Variants in DRAM2 observed in about 807,000 individuals in gnomAD.
DRAM2 encodes DNA damage regulated autophagy modulator 2, also known as DNA damage-regulated autophagy modulator protein 2.
Under a neutral mutation model 33.5 loss-of-function variants are expected in DRAM2, and 26 were observed. The observed-to-expected ratio is 0.78, with a 90% CI of 0.57 to 1.08. DRAM2 has a LOEUF of 1.08. Ranked by LOEUF, DRAM2 falls within the 50% of genes least tolerant of loss-of-function variation. The pLI is 0.00. For synonymous variants in DRAM2, 98 were observed against 109.5 expected (o/e 0.89, Z 0.66); for missense variants, 311 against 318.1 (o/e 0.98, Z 0.17).
intron 2 of DRAM2, among the ~76,000 whole-genome samples, 176 bp downstream of exon 2, chr1:111,139,325 G>A (rs1653986327): frequency 6.6e-6 from 1 of 152,226 alleles, no homozygotes; most frequent in Non-Finnish European, 1.5e-5. Flanking sequence ...AAGCACGGTT[G>A]TGAAGATACC....
chr1:111,139,902 GC>G (rs1654208991), intron 1 of DRAM2, 135 bp downstream of exon 1: 1 of 152,274 alleles, frequency 6.6e-6, no homozygotes, highest in African/African-American at 2.4e-5. Context: ...AGTCTCGCGC[GC>G]CTGCGACGCG....
intron 4 of DRAM2, among the ~76,000 whole-genome samples, chr1:111,127,076 T>C (rs1651155711): frequency 2.6e-5 from 4 of 152,302 alleles, no homozygotes; most frequent in Admixed American, 2.6e-4. Context: ...GTTCCCTTAA[T>C]TTGCAAAATG....
intron 3 of DRAM2, 90 bp from the exon 4 acceptor site, chr1:111,131,658 C>G: frequency 7.9e-7 from 1 of 1,263,026 alleles, no homozygotes; most frequent in Non-Finnish European, 1.1e-6. Flanking sequence ...TTGTACTTAC[C>G]ACCCCAAGCT....
intron 4 of DRAM2, among the ~76,000 whole-genome samples, chr1:111,127,629 A>C (rs1348730504): frequency 6.6e-6 from 1 of 152,192 alleles, no homozygotes; most frequent in African/African-American, 2.4e-5. Flanking sequence ...CTACTTTTCA[A>C]ATTTTCCACA....
At chr1:111,138,045 G>C (rs755617560) in intron 2 of DRAM2, among the ~76,000 whole-genome samples, 6 of 152,170 alleles carry the variant, frequency 3.9e-5, no homozygotes, top group Non-Finnish European at 5.9e-5. Flanking sequence ...CTTAGCTTCT[G>C]AGTTACAGTA....
chr1:111,120,681 A>T lies in DRAM2; in HGVS notation c.352T>A (p.Phe118Ile), dbSNP rs763280980. The T allele has an allele frequency of 6.5e-7, 1 of 1,545,464 alleles. No individual in the cohort carries two copies. The highest frequency in any genetic ancestry group is 2.0e-5 in the Admixed American group (1 of 51,018). ...IVANFQKTTLFAAHVSGAVLT... is the reference protein window; with the variant it reads ...IVANFQKTTLIAAHVSGAVLT... ...ACAGCTCCACTTACATGTGCAGCAA[A>T]AAGGGTTGTTTTCTGAGAGATAGAG... Residue 118 changes from phenylalanine (F) to isoleucine (I), a missense_variant, in exon 7 of 10, where the codon TTT becomes ATT. Coordinates refer to ENST00000484310, the MANE Select transcript of DRAM2 (RefSeq NM_001349884.2).
chr1:111,118,006 G>C lies in DRAM2; in HGVS notation c.*154C>G. ...ATCCTTTAGAATAATCTATCAAATGGCTTCTTTCATGTTTCCTGATTATCA... is the reference window on the plus strand; with the variant it reads ...ATCCTTTAGAATAATCTATCAAATGCCTTCTTTCATGTTTCCTGATTATCA... On this transcript the variant is annotated 3_prime_UTR_variant, in exon 10 of 10. Transcript: ENST00000484310. 1 of 668,122 alleles carries C rather than the reference G, an allele frequency of 1.5e-6. No individual in the cohort carries two copies. Among genetic ancestry groups the C allele is most frequent in the South Asian group, 1.8e-5 (1 of 54,588 alleles). The allele number at this position is 668,122 out of a possible 1,614,324, so 41.4% of individuals were successfully genotyped here.
chr1:111,136,046 A>G (rs975587938), intron 3 of DRAM2, among the ~76,000 whole-genome samples: 3 of 152,202 alleles, frequency 2.0e-5, no homozygotes, highest in Non-Finnish European at 4.4e-5. Flanking sequence ...TTCTATTTCT[A>G]CAAGTCATTT....
In DRAM2 at chr1:111,126,214, T is replaced by G; in HGVS notation, c.199+13A>C. The G allele has an allele frequency of 2.5e-6, 4 of 1,588,174 alleles. No homozygotes were observed. The highest frequency in any genetic ancestry group is 1.1e-5 in the South Asian group (1 of 90,340). On this transcript the variant is annotated intron_variant, in intron 5 of 9. Transcript: ENST00000484310. ...TTGGCTATTATCATGTTAAAATCAC[T>G]TTCATTACTTACATAAAACTGCCGC...
At chr1:111,123,399 G>C (rs1650397200) in intron 6 of DRAM2, among the ~76,000 whole-genome samples, 1 of 152,106 alleles carries the variant, frequency 6.6e-6, no homozygotes, top group Non-Finnish European at 1.5e-5. Flanking sequence ...ACCCAGCTCA[G>C]GTTCCTCTGA....
rs147613573 is a variant in DRAM2, at chr1:111,118,891, C to T, written c.607G>A (p.Val203Met). 1.5e-5 allele frequency: 24 copies of T among 1,605,238 alleles called. No individual in the cohort carries two copies. The East Asian group carries it at 5.2e-4, about 35-fold the overall frequency. The change falls in exon 9 of 10, where the codon GTG becomes ATG. Residue 203 changes from valine to methionine, a missense_variant. Physicochemically the swap from Val to Met is conservative, Grantham distance 21. Coordinates refer to ENST00000484310, the MANE Select transcript of DRAM2 (RefSeq NM_001349884.2). ...LHWNPEDKGY[V>M]LHMITTAAEW... The stretch of plus-strand genomic sequence containing the variant: ...GCTGCAGTAGTGATCATGTGAAGCA[C>T]ATAACCCTGAGTGATGGGAAAAAAA...
chr1:111,124,543 G>C (rs915756531), intron 6 of DRAM2, among the ~76,000 whole-genome samples, 199 bp downstream of exon 6: 1 of 152,090 alleles, frequency 6.6e-6, no homozygotes, highest in African/African-American at 2.4e-5. Context: ...ATTTGTATTT[G>C]TTCAGACTTT....
Position 111,120,533 on chromosome 1 carries a change from C to T in DRAM2, c.500G>A (p.Gly167Glu). The change falls in exon 7 of 10, where the codon GGA becomes GAA. Residue 167 changes from glycine to glutamate, a missense_variant. Transcript: ENST00000484310. The stretch of plus-strand genomic sequence containing the variant: ...AAGGATACTGCTAAGTGCACTTACT[C>T]CACACCAGATAACCAACAACAGTCT... ...WIRLLLVIWC[G>E]VSALSMLTCS... 6.2e-7 allele frequency: 1 copy of T among 1,607,604 alleles called. No homozygotes were observed. Among genetic ancestry groups the T allele is most frequent in the Non-Finnish European group, 8.5e-7 (1 of 1,176,886 alleles).
At chr1:111,131,643 C>T in intron 3 of DRAM2, 75 bp from the exon 4 acceptor site, 1 of 1,427,134 alleles carries the variant, frequency 7.0e-7, no homozygotes, top group Non-Finnish European at 9.6e-7. Flanking sequence ...TCCATGCCCA[C>T]AGCCTTGTAC....
Position 111,124,897 on chromosome 1 carries a change from C to T in DRAM2, c.200-16G>A. On this transcript the variant is annotated splice_polypyrimidine_tract_variant and intron_variant, in intron 5 of 9. Transcript: ENST00000484310. ...GTAGCAATGCCTGGGAAAAGATAAT[C>T]CAAAAAACAACAAAGTAATAAATAA... The T allele has an allele frequency of 6.2e-7, 1 of 1,605,322 alleles. No individual in the cohort carries two copies. The highest frequency in any genetic ancestry group is 8.5e-7 in the Non-Finnish European group (1 of 1,176,924).
At chr1:111,134,302 T>G (rs1652712480) in intron 3 of DRAM2, among the ~76,000 whole-genome samples, 1 of 151,930 alleles carries the variant, frequency 6.6e-6, no homozygotes, top group Non-Finnish European at 1.5e-5. Context: ...TCTTCTCATA[T>G]TTTTTTGATG....
In DRAM2 at chr1:111,117,535, G is replaced by C. The variant is rs904577333; in HGVS notation, c.*625C>G. The C allele has an allele frequency of 8.5e-5, 13 of 152,386 alleles. No homozygotes were observed. The highest frequency in any genetic ancestry group is 2.7e-4 in the African/African-American group (11 of 41,318). 9.4% of individuals were successfully genotyped at this position (152,386 alleles called of 1,614,324 possible). A position where few individuals can be genotyped will look rare whatever the true frequency, so the allele number is the denominator to read the frequency against. ...AAGCATGTGTATGATAGACCAATTA[G>C]CTTAGTATCTGGCATTGTGGCCAGA... On this transcript the variant is annotated 3_prime_UTR_variant, in exon 10 of 10. Transcript: ENST00000484310.
intron 4 of DRAM2, among the ~76,000 whole-genome samples, chr1:111,131,039 C>T (rs529394931): frequency 1.3e-4 from 19 of 151,988 alleles, no homozygotes; most frequent in Admixed American, 3.3e-4. Context: ...TTACTTCGTA[C>T]GCAGTAAGCA....
intron 3 of DRAM2, 112 bp from the exon 4 acceptor site, chr1:111,131,680 G>T: frequency 1.0e-6 from 1 of 995,356 alleles, no homozygotes; most frequent in Non-Finnish European, 1.5e-6. Flanking sequence ...TTTCACCTCT[G>T]AAATCATCCC....
Sources: gnomAD v4.1 joint callset for allele counts (sites outside exome capture counted in the v4.1 genomes callset) on GRCh38, gnomAD v4.1.1 for gene constraint, MANE v1.5 for transcripts, NCBI Gene and HGNC (gene_info 2026-07-23, HGNC 2026-07-21) for gene names.